Variants in CADPS2 observed in about 807,000 individuals in gnomAD.
CADPS2 encodes the protein calcium dependent secretion activator 2, also known as calcium-dependent secretion activator 2.
In CADPS2, 93 loss-of-function variants were observed where a neutral mutation model predicts 172.5. That is an observed-to-expected ratio of 0.54 (90% CI 0.46 to 0.64). The LOEUF is 0.64. Ranked by LOEUF, CADPS2 falls within the 30% of genes least tolerant of loss-of-function variation. The probability of loss-of-function intolerance (pLI) is 0.00; values close to 1 mark genes in which losing one functional copy is unlikely to be tolerated. For synonymous variants in CADPS2, 546 were observed against 555.2 expected, an observed-to-expected ratio of 0.98 and a Z score of 0.23; for missense variants, 1,420 against 1,565.9, an observed-to-expected ratio of 0.91 and a Z score of 1.57.
intron 1 of CADPS2, among the ~76,000 whole-genome samples, chr7:122,792,615 G>T (rs985140046): frequency 2.0e-5 from 3 of 152,158 alleles, no homozygotes; most frequent in Non-Finnish European, 2.9e-5. Context: ...ACACCTATAA[G>T]ATTAACAAAC....
intron 28 of CADPS2, among the ~76,000 whole-genome samples, chr7:122,338,077 G>A (rs2036172443): frequency 6.6e-6 from 1 of 152,138 alleles, no homozygotes; most frequent in Non-Finnish European, 1.5e-5. Context: ...GAGGTACTGA[G>A]GTACACAACA....
chr7:122,745,899 G>A (rs2092702056), intron 1 of CADPS2, among the ~76,000 whole-genome samples: 1 of 151,934 alleles, frequency 6.6e-6, no homozygotes. Flanking sequence ...TAATTAGTAA[G>A]TTTATGTATT....
chr7:122,707,057 G>A (rs1402765841), intron 2 of CADPS2, among the ~76,000 whole-genome samples: 2 of 151,752 alleles, frequency 1.3e-5, no homozygotes, highest in African/African-American at 4.8e-5. Context: ...GTGTTACTAA[G>A]GGGAAAGACA....
At chr7:122,652,842 TTGTC>T (rs1278660076) in intron 3 of CADPS2, among the ~76,000 whole-genome samples, 3 of 152,182 alleles carry the variant, frequency 2.0e-5, no homozygotes, top group African/African-American at 7.2e-5. Context: ...CAATAACAAT[TTGTC>T]TTTCTATTAT....
intron 1 of CADPS2, among the ~76,000 whole-genome samples, chr7:122,750,408 T>C (rs2092902167): frequency 6.6e-6 from 1 of 152,170 alleles, no homozygotes; most frequent in Non-Finnish European, 1.5e-5. Flanking sequence ...TATATTTGCA[T>C]TCGTATTGTG....
chr7:122,872,419 C>T (rs1287734737), intron 1 of CADPS2, among the ~76,000 whole-genome samples: 2 of 151,992 alleles, frequency 1.3e-5, no homozygotes, highest in African/African-American at 2.4e-5. Flanking sequence ...TATACAAAAG[C>T]TTATAATATA....
At chr7:122,359,220 T>C (rs10487223) in intron 27 of CADPS2, among the ~76,000 whole-genome samples, 20,988 of 152,072 alleles carry the variant, frequency 0.14, 1,504 homozygotes, top group Non-Finnish European at 0.15. Context: ...TCATTAAATA[T>C]GCAAAGAGCT....
At chr7:122,701,450 G>A (rs1481575433) in intron 2 of CADPS2, among the ~76,000 whole-genome samples, 4 of 152,030 alleles carry the variant, frequency 2.6e-5, no homozygotes, top group African/African-American at 9.7e-5. Flanking sequence ...TGGGGTGGGG[G>A]AAGCGGGGAG....
intron 15 of CADPS2, among the ~76,000 whole-genome samples, chr7:122,449,423 C>T (rs1019061598): frequency 1.3e-5 from 2 of 152,042 alleles, no homozygotes; most frequent in Non-Finnish European, 2.9e-5. Context: ...TCAAGTGATC[C>T]TCCCACATCA....
chr7:122,358,600 T>G (rs1306654478), intron 27 of CADPS2, among the ~76,000 whole-genome samples: 2 of 152,150 alleles, frequency 1.3e-5, no homozygotes, highest in African/African-American at 4.8e-5. Context: ...TATGTGGGTC[T>G]AGGTCTGTTT....
At chr7:122,824,264 TA>T (rs1415268070) in intron 1 of CADPS2, among the ~76,000 whole-genome samples, 10 of 152,210 alleles carry the variant, frequency 6.6e-5, no homozygotes, top group Non-Finnish European at 1.5e-5. Context: ...TGAGGGAGGA[TA>T]AGGATCTTGT....
intron 1 of CADPS2, among the ~76,000 whole-genome samples, chr7:122,831,629 C>G (rs1298648709): frequency 6.6e-6 from 1 of 152,202 alleles, no homozygotes; most frequent in Non-Finnish European, 1.5e-5. Flanking sequence ...AACCTCACTT[C>G]TAGCTTTCCA....
At chr7:122,748,314 C>G (rs1287153648) in intron 1 of CADPS2, among the ~76,000 whole-genome samples, 1 of 152,130 alleles carries the variant, frequency 6.6e-6, no homozygotes, top group Admixed American at 6.6e-5. Context: ...TGAGATGCAG[C>G]ATGGGTAGCT....
At chr7:122,785,879 C>T (rs551042797) in intron 1 of CADPS2, among the ~76,000 whole-genome samples, 1 of 152,212 alleles carries the variant, frequency 6.6e-6, no homozygotes, top group Non-Finnish European at 1.5e-5. Context: ...CGAAAGCCCA[C>T]ACAGCACAAG....
chr7:122,736,762 A>G (rs187025913), intron 2 of CADPS2, among the ~76,000 whole-genome samples, 193 bp downstream of exon 2: 1 of 152,204 alleles, frequency 6.6e-6, no homozygotes. Context: ...GATTCTGTTT[A>G]TCTCTCAAAA....
At chr7:122,407,978 T>C (rs2046850337) in intron 19 of CADPS2, among the ~76,000 whole-genome samples, 1 of 152,074 alleles carries the variant, frequency 6.6e-6, no homozygotes, top group Non-Finnish European at 1.5e-5. Flanking sequence ...TTAGAACATA[T>C]ATAAAACAAA....
intron 1 of CADPS2, among the ~76,000 whole-genome samples, chr7:122,754,284 T>C (rs981838605): frequency 5.3e-5 from 8 of 152,334 alleles, no homozygotes; most frequent in Non-Finnish European, 7.3e-5. Context: ...TCAGTTGGTA[T>C]TTCTTTATCC....
At chr7:122,812,337 G>A (rs1421289754) in intron 1 of CADPS2, among the ~76,000 whole-genome samples, 1 of 150,300 alleles carries the variant, frequency 6.7e-6, no homozygotes, top group Non-Finnish European at 1.5e-5. Flanking sequence ...GATGATAAAT[G>A]TAGAAAACAA....
At chr7:122,513,007 G>C (rs1172007614) in intron 9 of CADPS2, among the ~76,000 whole-genome samples, 1 of 152,116 alleles carries the variant, frequency 6.6e-6, no homozygotes, top group African/African-American at 2.4e-5. Flanking sequence ...TTAAGCCAGA[G>C]GGTAAAGAGT....
Sources: gnomAD v4.1 joint callset for allele counts (sites outside exome capture counted in the v4.1 genomes callset) on GRCh38, gnomAD v4.1.1 for gene constraint, MANE v1.5 for transcripts, NCBI Gene and HGNC (gene_info 2026-07-23, HGNC 2026-07-21) for gene names.